Variants in IL1RAPL1 observed in about 807,000 individuals in gnomAD.
The protein encoded by IL1RAPL1 is interleukin-1 receptor accessory protein-like 1.
Under a neutral mutation model 48.4 loss-of-function variants are expected in IL1RAPL1, and 3 were observed. The observed-to-expected ratio is 0.06, with a 90% CI of 0.03 to 0.16. The LOEUF (loss-of-function observed/expected upper bound fraction) is 0.16, where lower values mean the gene tolerates loss of function less well. IL1RAPL1 is among the 10% of genes least tolerant of loss of function. The probability of loss-of-function intolerance (pLI) is 1.00; values close to 1 mark genes in which losing one functional copy is unlikely to be tolerated. For missense variants in IL1RAPL1, 349 were observed against 530.6 expected, an observed-to-expected ratio of 0.66 and a Z score of 3.36; for synonymous variants, 185 against 187.7, an observed-to-expected ratio of 0.99 and a Z score of 0.12.
chrX:29,005,983 G>T (rs373748462), intron 2 of IL1RAPL1, among the ~76,000 whole-genome samples: 4 of 111,588 alleles, frequency 3.6e-5, no homozygotes, highest in African/African-American at 1.3e-4. Flanking sequence ...GAGAGAAAAG[G>T]TTTAATTTAT....
At chrX:29,214,388 T>C (rs1313423562) in intron 2 of IL1RAPL1, among the ~76,000 whole-genome samples, 2 of 111,369 alleles carry the variant, frequency 1.8e-5, no homozygotes, top group African/African-American at 6.5e-5. Context: ...AGGATGTGGT[T>C]TTAAATATTC....
chrX:29,605,353 G>A (rs6630917), intron 5 of IL1RAPL1, among the ~76,000 whole-genome samples: 23,746 of 110,096 alleles, frequency 0.22, 2,310 homozygotes, highest in South Asian at 0.47. Flanking sequence ...TTTTCTGTTT[G>A]GTGTAATTTA....
At chrX:29,797,963 G>A (rs1929784814) in intron 6 of IL1RAPL1, among the ~76,000 whole-genome samples, 1 of 112,034 alleles carries the variant, frequency 8.9e-6, no homozygotes, top group Non-Finnish European at 1.9e-5. Flanking sequence ...TCAAAGTGTG[G>A]TCCCTGGGCC....
chrX:29,001,941 G>A (rs1307188736), intron 2 of IL1RAPL1, among the ~76,000 whole-genome samples: 1 of 105,568 alleles, frequency 9.5e-6, no homozygotes, highest in South Asian at 4.5e-4. Context: ...TCGTTGCCCA[G>A]GCTGGAGTGC....
At chrX:29,929,041 T>C (rs1439224003) in intron 8 of IL1RAPL1, among the ~76,000 whole-genome samples, 1 of 111,682 alleles carries the variant, frequency 9.0e-6, no homozygotes, top group Admixed American at 9.6e-5. Flanking sequence ...GCATGTGTTC[T>C]ATGAAAAATA....
At chrX:29,662,905 G>T (rs1925889971) in intron 5 of IL1RAPL1, among the ~76,000 whole-genome samples, 1 of 111,755 alleles carries the variant, frequency 8.9e-6, no homozygotes, top group Non-Finnish European at 1.9e-5. Flanking sequence ...ACAATTATTT[G>T]CAACAGAAAG....
At chrX:29,925,543 A>T (rs756786560) in intron 8 of IL1RAPL1, among the ~76,000 whole-genome samples, 1 of 98,967 alleles carries the variant, frequency 1.0e-5, no homozygotes, top group Non-Finnish European at 2.0e-5. Context: ...TTTATTATTT[A>T]TGTTTATTTT....
At chrX:29,399,808 A>G (rs1317384401) in intron 5 of IL1RAPL1, among the ~76,000 whole-genome samples, 1 of 102,098 alleles carries the variant, frequency 9.8e-6, no homozygotes, top group African/African-American at 3.4e-5. Flanking sequence ...GACAAGAGCA[A>G]GACGAAGTCT....
intron 5 of IL1RAPL1, among the ~76,000 whole-genome samples, chrX:29,620,204 A>C (rs1924419339): frequency 8.9e-6 from 1 of 112,003 alleles, no homozygotes. Flanking sequence ...CTAAATGATG[A>C]CTAGCTTTAA....
chrX:28,909,397 A>C (rs181961085), intron 2 of IL1RAPL1, among the ~76,000 whole-genome samples: 37 of 111,764 alleles, frequency 3.3e-4, no homozygotes, highest in African/African-American at 8.7e-4. Flanking sequence ...TTGACCATGC[A>C]GAAACATGAA....
intron 2 of IL1RAPL1, among the ~76,000 whole-genome samples, chrX:28,899,386 G>A (rs184326889): frequency 7.0e-4 from 78 of 111,707 alleles, no homozygotes; most frequent in Middle Eastern, 4.7e-3. Flanking sequence ...TTGAACTCCC[G>A]GGCTCAAATG....
intron 9 of IL1RAPL1, among the ~76,000 whole-genome samples, chrX:29,951,605 C>A (rs772828954): frequency 9.0e-6 from 1 of 111,470 alleles, no homozygotes; most frequent in African/African-American, 3.3e-5. Flanking sequence ...TAGATTTGTA[C>A]CAATGAATGG....
At chrX:29,301,559 C>T (rs1053414398) in intron 3 of IL1RAPL1, among the ~76,000 whole-genome samples, 4 of 111,860 alleles carry the variant, frequency 3.6e-5, no homozygotes, top group Non-Finnish European at 7.5e-5. Context: ...GACATGTATA[C>T]ATAAACACAC....
At chrX:29,051,673 T>C (rs1329433051) in intron 2 of IL1RAPL1, among the ~76,000 whole-genome samples, 2 of 112,042 alleles carry the variant, frequency 1.8e-5, no homozygotes, top group Non-Finnish European at 3.8e-5. Context: ...GTTTCTCTGA[T>C]GTTAAGTTAC....
At chrX:28,974,268 G>A (rs1925153078) in intron 2 of IL1RAPL1, among the ~76,000 whole-genome samples, 2 of 111,774 alleles carry the variant, frequency 1.8e-5, no homozygotes, top group Admixed American at 1.9e-4. Flanking sequence ...TTCCCATATA[G>A]GTATTTGGTG....
intron 5 of IL1RAPL1, among the ~76,000 whole-genome samples, chrX:29,654,601 C>A (rs776610815): frequency 5.4e-5 from 6 of 111,550 alleles, no homozygotes; most frequent in Non-Finnish European, 1.1e-4. Flanking sequence ...ATGGGAAAGA[C>A]CTGCCCCCAT....
chrX:29,073,420 C>G (rs1356490030), intron 2 of IL1RAPL1, among the ~76,000 whole-genome samples: 1 of 111,591 alleles, frequency 9.0e-6, no homozygotes, highest in Middle Eastern at 4.2e-3. Flanking sequence ...TTCTTCAGCT[C>G]TCTCGCTTTG....
chrX:29,553,886 T>G (rs1042023554), intron 5 of IL1RAPL1, among the ~76,000 whole-genome samples: 1 of 110,322 alleles, frequency 9.1e-6, no homozygotes, highest in Non-Finnish European at 1.9e-5. Context: ...TCATAAAAAT[T>G]ACGGTTTAAG....
intron 3 of IL1RAPL1, among the ~76,000 whole-genome samples, chrX:29,308,320 A>C (rs1311377976): frequency 9.0e-6 from 1 of 111,691 alleles, no homozygotes; most frequent in Non-Finnish European, 1.9e-5. Context: ...GACATCATGC[A>C]TTCCTAAATC....
Sources: gnomAD v4.1 joint callset for allele counts (sites outside exome capture counted in the v4.1 genomes callset) on GRCh38, gnomAD v4.1.1 for gene constraint, MANE v1.5 for transcripts, NCBI Gene and HGNC (gene_info 2026-07-23, HGNC 2026-07-21) for gene names.